PKHD1: variants seen among roughly 807,000 people sequenced by gnomAD.
PKHD1 encodes the protein PKHD1 ciliary IPT domain containing fibrocystin/polyductin.
In PKHD1, 291 loss-of-function variants were observed where a neutral mutation model predicts 412.0. The ratio of observed to expected loss-of-function variants is 0.71; its 90% CI spans 0.64 to 0.78. The LOEUF (loss-of-function observed/expected upper bound fraction) is 0.78, where lower values mean the gene tolerates loss of function less well. Among genes scored for constraint, PKHD1 ranks in the 30% least tolerant of loss-of-function variants. PKHD1 has a pLI of 0.00. For missense variants in PKHD1, 4,825 were observed against 4,950.7 expected (o/e 0.97, Z 0.76); for synonymous variants, 1,777 against 1,821.5 (o/e 0.98, Z 0.62).
chr6:51,832,527 C>T (rs533415968), intron 51 of PKHD1, among the ~76,000 whole-genome samples: 2 of 151,900 alleles, frequency 1.3e-5, no homozygotes, highest in South Asian at 4.2e-4. Context: ...ACTTCCAGCA[C>T]ATTAAGACAG....
intron 42 of PKHD1, 46 bp from the exon 43 acceptor site, chr6:51,903,773 G>A (rs370065665): frequency 6.5e-7 from 1 of 1,535,822 alleles, no homozygotes; most frequent in Non-Finnish European, 9.0e-7. Context: ...TAATTAAAAT[G>A]TACTCAACTC....
chr6:51,638,817 A>AAAC, intron 64 of PKHD1, 32 bp downstream of exon 64: 1 of 1,309,756 alleles, frequency 7.6e-7, no homozygotes, highest in Non-Finnish European at 1.1e-6. Flanking sequence ...AAAAAAAAAA[A>AAAC]CACAGAATAA....
chr6:52,025,602 C>T lies in PKHD1; in HGVS notation c.4208G>A (p.Gly1403Asp). Residue 1403 changes from glycine (G) to aspartate (D), a missense_variant, in exon 32 of 67, where the codon GGT becomes GAT. Transcript: ENST00000371117. ...CCCCCTCACAGTAAGTATGGTCCCA[C>T]CACATGCCGAACCCTGCGATGGGAA... ...AIFPSQGSAC[G>D]GTILTVRGLL... 6.2e-7 allele frequency: 1 copy of T among 1,614,180 alleles called. No individual in the cohort carries two copies. The highest frequency in any genetic ancestry group is 8.5e-7 in the Non-Finnish European group (1 of 1,180,030).
At chr6:52,050,924 A>C (rs1806742100) in intron 21 of PKHD1, among the ~76,000 whole-genome samples, 1 of 152,250 alleles carries the variant, frequency 6.6e-6, no homozygotes, top group Admixed American at 6.5e-5. Context: ...CAATCTGACA[A>C]GGAGAGCTTA....
In PKHD1 at chr6:51,903,586, G is replaced by T; in HGVS notation, c.6996+11C>A. On this transcript the variant is annotated intron_variant, in intron 43 of 66. Transcript: ENST00000371117. ...CAGTTCTGGTCTTCCTGGTAGAGCTGAACATCTTACCTCTATAACATTGGT... is the reference window on the plus strand; with the variant it reads ...CAGTTCTGGTCTTCCTGGTAGAGCTTAACATCTTACCTCTATAACATTGGT... 1.2e-6 allele frequency: 2 copies of T among 1,607,618 alleles called. No individual in the cohort carries two copies. The highest frequency in any genetic ancestry group is 2.2e-5 in the South Asian group (2 of 90,970).
chr6:51,858,941 T>C (rs1773740424), intron 48 of PKHD1, among the ~76,000 whole-genome samples: 1 of 152,104 alleles, frequency 6.6e-6, no homozygotes, highest in Non-Finnish European at 1.5e-5. Context: ...ATCAACCCCA[T>C]ATCAGTAGGA....
At chr6:52,057,803 G>A (rs1296975077) in intron 16 of PKHD1, among the ~76,000 whole-genome samples, 1 of 152,194 alleles carries the variant, frequency 6.6e-6, no homozygotes, top group East Asian at 1.9e-4. Flanking sequence ...GTAAGCTTTA[G>A]AGGGCAGAGT....
At chr6:51,938,704 C>T (rs1583466682) in intron 36 of PKHD1, among the ~76,000 whole-genome samples, 2 of 151,622 alleles carry the variant, frequency 1.3e-5, no homozygotes, top group East Asian at 1.9e-4. Flanking sequence ...GCTGCCATGA[C>T]TCAGATCAGG....
intron 63 of PKHD1, among the ~76,000 whole-genome samples, chr6:51,643,621 T>G (rs539112164): frequency 6.6e-6 from 1 of 152,296 alleles, no homozygotes; most frequent in Non-Finnish European, 1.5e-5. Context: ...GGTAGAAAAT[T>G]ATTTTTGTGG....
chr6:51,885,577 C>T (rs1319918577), intron 45 of PKHD1, among the ~76,000 whole-genome samples: 1 of 152,044 alleles, frequency 6.6e-6, no homozygotes, highest in Non-Finnish European at 1.5e-5. Context: ...CTGTGATCTC[C>T]CCTGATTATA....
In PKHD1 at chr6:52,024,934, T is replaced by A. The variant is rs770183868; in HGVS notation, c.4876A>T (p.Ile1626Phe). The change falls in exon 32 of 67, where the codon ATT becomes TTT. Residue 1626 changes from isoleucine (I) to phenylalanine (F), a missense_variant. Ile to Phe is a conservative substitution (Grantham distance 21). Transcript: ENST00000371117. Reference sequence around the variant, plus strand: ...ACAGAGCCATTCCCTGTGGGAACAATGCACCGGATGAGCTCAGCACCGATG... The same window carrying A: ...ACAGAGCCATTCCCTGTGGGAACAAAGCACCGGATGAGCTCAGCACCGATG... The part of the protein sequence containing the change: ...VNIGAELIRC[I>F]VPTGNGSVAL... The A allele has an allele frequency of 3.7e-6, 6 of 1,614,172 alleles. No individual in the cohort carries two copies. The highest frequency in any genetic ancestry group is 1.1e-5 in the South Asian group (1 of 91,076).
chr6:51,888,248 A>G (rs562911678), intron 43 of PKHD1, among the ~76,000 whole-genome samples: 11 of 152,182 alleles, frequency 7.2e-5, no homozygotes, highest in Non-Finnish European at 1.3e-4. Context: ...CTATCTAAAT[A>G]ATTTCATGTA....
intron 60 of PKHD1, among the ~76,000 whole-genome samples, chr6:51,705,379 G>C (rs1582184363): frequency 6.6e-6 from 1 of 152,138 alleles, no homozygotes; most frequent in Non-Finnish European, 1.5e-5. Context: ...GCCCATGGCA[G>C]TGAGGAGAGG....
At chr6:51,739,516 C>A (rs552995921) in intron 60 of PKHD1, among the ~76,000 whole-genome samples, 2 of 152,184 alleles carry the variant, frequency 1.3e-5, no homozygotes, top group Admixed American at 6.5e-5. Context: ...TAGGCATGAG[C>A]CACAGATCCC....
At chr6:51,822,661 A>T (rs551575128) in intron 52 of PKHD1, among the ~76,000 whole-genome samples, 8 of 152,256 alleles carry the variant, frequency 5.3e-5, no homozygotes, top group African/African-American at 1.9e-4. Context: ...CTTCTGGTCC[A>T]CATTTCCCGT....
rs183841714 is a variant in PKHD1, at chr6:51,671,729, G to A, written c.10157-11760C>T. ...GGTGATGTACAGATGAGTTTTTGGT[G>A]TGGATGTCCTTTCTGTTTGTTAGTT... On this transcript the variant is annotated intron_variant, in intron 60 of 66. Transcript: ENST00000371117. Among the ~76,000 whole-genome samples, 3 of 152,242 alleles carry A rather than the reference G, an allele frequency of 2.0e-5. No homozygotes were observed. The East Asian group carries it at 5.8e-4, about 29-fold the overall frequency.
At chr6:51,758,422 A>C (rs1241664665) in intron 55 of PKHD1, among the ~76,000 whole-genome samples, 1 of 152,084 alleles carries the variant, frequency 6.6e-6, no homozygotes, top group Admixed American at 6.6e-5. Flanking sequence ...AACATCCACT[A>C]TTCCTAGTTC....
chr6:51,984,904 C>T (rs2128048218), intron 35 of PKHD1, among the ~76,000 whole-genome samples: 1 of 152,014 alleles, frequency 6.6e-6, no homozygotes, highest in African/African-American at 2.4e-5. Context: ...AAGGATGGTG[C>T]TAAATCAATG....
chr6:51,629,416 A>G (rs768656992), intron 65 of PKHD1, among the ~76,000 whole-genome samples: 5 of 152,262 alleles, frequency 3.3e-5, no homozygotes, highest in Non-Finnish European at 7.4e-5. Context: ...GTGAACAGAC[A>G]CTTCTCAAAA....
Sources: gnomAD v4.1 joint callset for allele counts (sites outside exome capture counted in the v4.1 genomes callset) on GRCh38, gnomAD v4.1.1 for gene constraint, MANE v1.5 for transcripts, NCBI Gene and HGNC (gene_info 2026-07-23, HGNC 2026-07-21) for gene names.